Variants in IFT88 observed in about 807,000 individuals in gnomAD.
IFT88 encodes intraflagellar transport protein 88 homolog.
Under a neutral mutation model 119.5 loss-of-function variants are expected in IFT88, and 74 were observed. The observed-to-expected ratio is 0.62, with a 90% CI of 0.51 to 0.75. IFT88 has a LOEUF of 0.75. Among genes scored for constraint, IFT88 ranks in the 30% least tolerant of loss-of-function variants. The pLI is 0.00. For missense variants in IFT88, 961 were observed against 977.7 expected (o/e 0.98, Z 0.23); for synonymous variants, 279 against 316.7 (o/e 0.88, Z 1.26).
intron 3 of IFT88, among the ~76,000 whole-genome samples, chr13:20,589,373 T>G (rs889337863): frequency 6.6e-6 from 1 of 152,214 alleles, no homozygotes; most frequent in Non-Finnish European, 1.5e-5. Context: ...TTTGTATTCT[T>G]ATTTAAAAGA....
chr13:20,626,778 A>T (rs1271242025), intron 15 of IFT88, among the ~76,000 whole-genome samples: 1 of 152,200 alleles, frequency 6.6e-6, no homozygotes, highest in Non-Finnish European at 1.5e-5. Context: ...AGAAAGAGGG[A>T]TAACCAAAGA....
chr13:20,581,145 A>G (rs1223256501), intron 2 of IFT88, among the ~76,000 whole-genome samples: 2 of 152,252 alleles, frequency 1.3e-5, no homozygotes, highest in Admixed American at 1.3e-4. Flanking sequence ...TAAATTAGAC[A>G]GTGAAGTAAA....
Position 20,591,074 on chromosome 13 carries a change from A to G in IFT88, c.264+54A>G, listed in dbSNP as rs112664938. Reference sequence around the variant, plus strand: ...GTGCCTTTCTTGTGACTTGGAATTTACTACCAAAGTTTTTTTACTTTATTA... The same window carrying G: ...GTGCCTTTCTTGTGACTTGGAATTTGCTACCAAAGTTTTTTTACTTTATTA... On this transcript the variant is annotated intron_variant, in intron 5 of 25. Transcript: ENST00000351808. The G allele has an allele frequency of 8.1e-5, 101 of 1,248,064 alleles. 2 individuals are homozygous for G. The highest frequency in any genetic ancestry group is 7.6e-4 in the African/African-American group (50 of 66,152). The allele number at this position is 1,248,064 out of a possible 1,614,324, so 77.3% of individuals were successfully genotyped here. A position where few individuals can be genotyped will look rare whatever the true frequency, so the allele number is the denominator to read the frequency against.
At chr13:20,638,656 C>A in intron 17 of IFT88, 138 bp downstream of exon 17, 1 of 448,272 alleles carries the variant, frequency 2.2e-6, no homozygotes. Flanking sequence ...AAGACTACTG[C>A]CTCTCAGATT....
At chr13:20,580,962 T>C (rs2038511305) in intron 2 of IFT88, among the ~76,000 whole-genome samples, 1 of 152,058 alleles carries the variant, frequency 6.6e-6, no homozygotes, top group South Asian at 2.1e-4. Flanking sequence ...CCTGACTTCA[T>C]GATCCGCCCA....
intron 16 of IFT88, among the ~76,000 whole-genome samples, chr13:20,632,829 A>G (rs1414618737): frequency 6.6e-6 from 1 of 152,224 alleles, no homozygotes; most frequent in Admixed American, 6.5e-5. Context: ...TTACTAACAA[A>G]TGAGAAAAAA....
At chr13:20,607,967 T>C in intron 13 of IFT88, 1 of 610,686 alleles carries the variant, frequency 1.6e-6, no homozygotes, top group Non-Finnish European at 3.1e-6. Flanking sequence ...AGGAAGCACC[T>C]CCTCCTGGCA....
At chr13:20,571,391 C>G (rs2036344229) in intron 1 of IFT88, among the ~76,000 whole-genome samples, 1 of 152,202 alleles carries the variant, frequency 6.6e-6, no homozygotes, top group Non-Finnish European at 1.5e-5. Context: ...TTCTTGAATA[C>G]TAGCAATACT....
rs552846730 is a variant in IFT88 at position 20,680,812 on chromosome 13, A to G, written c.2242+9773A>G. Among the ~76,000 whole-genome samples, 19 of 150,704 alleles carry G rather than the reference A, an allele frequency of 1.3e-4. No individual in the cohort carries two copies. The East Asian group carries it at 3.1e-3, about 25-fold the overall frequency. On this transcript the variant is annotated intron_variant, in intron 24 of 25. Transcript: ENST00000351808. ...AGCTGCTGGTTTTGGCCTGGAGAACACAAGCATAACCTCTACCCCATGTTA... is the reference window on the plus strand; with the variant it reads ...AGCTGCTGGTTTTGGCCTGGAGAACGCAAGCATAACCTCTACCCCATGTTA...
chr13:20,586,741 A>G (rs1328565403), intron 3 of IFT88, among the ~76,000 whole-genome samples: 2 of 152,218 alleles, frequency 1.3e-5, no homozygotes, highest in African/African-American at 4.8e-5. Context: ...GTTTTTTCTT[A>G]AGACCTGGAG....
At chr13:20,607,423 G>A in intron 13 of IFT88, 1 of 649,736 alleles carries the variant, frequency 1.5e-6, no homozygotes, top group Non-Finnish European at 2.9e-6. Context: ...TCATTATAAA[G>A]AAGCAGAGCA....
chr13:20,637,971 G>A (rs980224767), intron 16 of IFT88, among the ~76,000 whole-genome samples: 1 of 152,212 alleles, frequency 6.6e-6, no homozygotes, highest in African/African-American at 2.4e-5. Context: ...CAGCCAGTGT[G>A]CTAGGGGCAA....
At chr13:20,630,923 C>A in intron 15 of IFT88, 93 bp from the exon 16 acceptor site, 2 of 746,414 alleles carry the variant, frequency 2.7e-6, no homozygotes, top group Non-Finnish European at 4.6e-6. Context: ...CTTCCCTGGT[C>A]TTACCCTTCA....
chr13:20,604,404 G>A (rs779422475), intron 12 of IFT88, among the ~76,000 whole-genome samples: 5 of 152,128 alleles, frequency 3.3e-5, no homozygotes, highest in Non-Finnish European at 7.4e-5. Context: ...CTAAGTAATT[G>A]ATGATTGAAG....
Position 20,583,352 on chromosome 13 carries a change from A to G in IFT88, c.153+333A>G, listed in dbSNP as rs559879234. On this transcript the variant is annotated intron_variant, in intron 3 of 25. Transcript: ENST00000351808. ...TTTGTGACTGGCTTATTCACTTAGT[A>G]TAATGTCCTCAAGGTTCATCCATGT... 5.3e-5 allele frequency among the ~76,000 whole-genome samples: 8 copies of G among 152,328 alleles called. No homozygotes were observed. In the East Asian group the frequency reaches 7.7e-4, roughly 15 times the overall value.
At chr13:20,669,088 A>T (rs534047582) in intron 23 of IFT88, among the ~76,000 whole-genome samples, 45 of 152,320 alleles carry the variant, frequency 3.0e-4, no homozygotes, top group African/African-American at 9.1e-4. Flanking sequence ...GTTTCTCTTG[A>T]TGAGTGAAGC....
rs747827799 is a variant in IFT88, at chr13:20,631,025, A to G, written c.1309A>G (p.Ile437Val). 1 of 1,579,946 alleles carries G rather than the reference A, an allele frequency of 6.3e-7. No homozygotes were observed. Among genetic ancestry groups the G allele is most frequent in the South Asian group, 1.1e-5 (1 of 90,244 alleles). ...GATATTCCATTTCTAGGCTGTAGAG[A>G]TCTTAAAAGTGTTGGAAAAAAAGGA... ...RQKDYNQAVE[I>V]LKVLEKKDSR... Residue 437 changes from isoleucine to valine, a missense_variant, in exon 16 of 26, where the codon ATC becomes GTC. Transcript: ENST00000351808.
At chr13:20,610,571 A>G (rs2044308149) in intron 13 of IFT88, among the ~76,000 whole-genome samples, 1 of 151,206 alleles carries the variant, frequency 6.6e-6, no homozygotes, top group South Asian at 2.1e-4. Flanking sequence ...GAAATCTCTG[A>G]TGTTACTGGA....
chr13:20,615,518 A>G (rs565542179), intron 13 of IFT88, among the ~76,000 whole-genome samples: 1 of 152,290 alleles, frequency 6.6e-6, no homozygotes, highest in Non-Finnish European at 1.5e-5. Context: ...GTGTTTCTCC[A>G]GTATCTCTTC....
Sources: allele counts gnomAD v4.1 joint callset (sites outside exome capture counted in the v4.1 genomes callset), GRCh38; gene constraint gnomAD v4.1.1; transcripts MANE v1.5; gene names NCBI Gene and HGNC (gene_info 2026-07-23, HGNC 2026-07-21).